CIMAP2: variants seen among roughly 807,000 people sequenced by gnomAD.
CIMAP2 encodes the protein ciliary microtubule-associated protein 2.
At chr1:54,807,448 G>T in the CIMAP2 span, 1 of 1,422,478 alleles carries the variant, frequency 7.0e-7, no homozygotes, top group Non-Finnish European at 9.3e-7. Flanking sequence ...GGGTCAGGGT[G>T]GTGGCTTGGT....
At chr1:54,817,053 G>A in the CIMAP2 span, 6 of 1,614,162 alleles carry the variant, frequency 3.7e-6, no homozygotes, top group Non-Finnish European at 3.4e-6. Context: ...AGGCGGCAGC[G>A]ATATCGATCC....
the CIMAP2 span, among the ~76,000 whole-genome samples, chr1:54,818,997 T>C: frequency 6.6e-6 from 1 of 152,116 alleles, no homozygotes; most frequent in African/African-American, 2.4e-5. Flanking sequence ...CTTTTGCTTG[T>C]TTGTTCATAC....
chr1:54,824,786 C>T, the CIMAP2 span, among the ~76,000 whole-genome samples: 3 of 151,698 alleles, frequency 2.0e-5, no homozygotes, highest in Admixed American at 6.6e-5. Flanking sequence ...AATTGTTTTC[C>T]TGACTTCTTT....
the CIMAP2 span, among the ~76,000 whole-genome samples, chr1:54,808,531 G>T: frequency 6.6e-6 from 1 of 151,668 alleles, no homozygotes; most frequent in African/African-American, 2.4e-5. Context: ...GAGGAGGCGA[G>T]CGAGAGGGCA....
chr1:54,808,216 T>C, the CIMAP2 span, among the ~76,000 whole-genome samples: 1 of 152,132 alleles, frequency 6.6e-6, no homozygotes, highest in African/African-American at 2.4e-5. Flanking sequence ...GATGTCCTAG[T>C]GGTAGAAATA....
the CIMAP2 span, among the ~76,000 whole-genome samples, chr1:54,838,682 A>T: frequency 1.3e-5 from 2 of 152,166 alleles, no homozygotes; most frequent in East Asian, 3.9e-4. Context: ...GTTATTGTTC[A>T]TGAGTCTATG....
chr1:54,816,492 A>T, the CIMAP2 span, among the ~76,000 whole-genome samples: 2 of 152,152 alleles, frequency 1.3e-5, no homozygotes, highest in African/African-American at 4.8e-5. Flanking sequence ...GCCACAAACT[A>T]GGTGGCTTAA....
At chr1:54,807,782 G>C in the CIMAP2 span, 1 of 1,510,214 alleles carries the variant, frequency 6.6e-7, no homozygotes, top group Non-Finnish European at 8.8e-7. Context: ...GTCCTCCCAA[G>C]GCCAGATGGA....
the CIMAP2 span, chr1:54,811,765 G>GCCGGGGGGGGGGGGGGGGGC: frequency 7.7e-7 from 1 of 1,301,330 alleles, no homozygotes; most frequent in Non-Finnish European, 1.1e-6. Context: ...GGTTCTGACA[G>GCCGGGGGGGGGGGGGGGGGC]CCTCCATGCC....
the CIMAP2 span, among the ~76,000 whole-genome samples, chr1:54,836,530 G>T: frequency 6.6e-6 from 1 of 151,886 alleles, no homozygotes; most frequent in South Asian, 2.1e-4. Context: ...ATGGGGGTAG[G>T]GGGTGGGGGA....
At chr1:54,811,765 G>GCCGGGGGGGGCGGGGCCCCGC in the CIMAP2 span, 1 of 1,301,332 alleles carries the variant, frequency 7.7e-7, no homozygotes, top group Non-Finnish European at 1.1e-6. Context: ...GGTTCTGACA[G>GCCGGGGGGGGCGGGGCCCCGC]CCTCCATGCC....
At chr1:54,806,123 G>T in the CIMAP2 span, 1 of 1,539,108 alleles carries the variant, frequency 6.5e-7, no homozygotes, top group Non-Finnish European at 8.7e-7. Flanking sequence ...TGCCATGAGG[G>T]AAAGCCAGGA....
the CIMAP2 span, among the ~76,000 whole-genome samples, chr1:54,825,733 C>T: frequency 1.3e-5 from 2 of 152,086 alleles, no homozygotes; most frequent in African/African-American, 4.8e-5. Flanking sequence ...CCAGTAGGTC[C>T]TTGGGCCCCT....
At chr1:54,812,446 C>T in the CIMAP2 span, among the ~76,000 whole-genome samples, 1 of 152,252 alleles carries the variant, frequency 6.6e-6, no homozygotes, top group Non-Finnish European at 1.5e-5. Context: ...ACTGCCAACT[C>T]TCTCCTCTGC....
At chr1:54,814,763 G>A in the CIMAP2 span, 10 of 1,111,872 alleles carry the variant, frequency 9.0e-6, no homozygotes, top group Middle Eastern at 3.1e-4. Context: ...CCCCTTTGCC[G>A]GGAGATAGCT....
chr1:54,834,499 G>T, the CIMAP2 span, among the ~76,000 whole-genome samples: 1 of 152,098 alleles, frequency 6.6e-6, no homozygotes, highest in Non-Finnish European at 1.5e-5. Context: ...TAGCAAAGTT[G>T]AAAGAATTTT....
At chr1:54,832,730 A>G in the CIMAP2 span, among the ~76,000 whole-genome samples, 658 of 152,280 alleles carry the variant, frequency 4.3e-3, 4 homozygotes, top group Non-Finnish European at 6.8e-3. Context: ...GCTGGAGTAA[A>G]GAATCAATAA....
At chr1:54,807,453 C>A in the CIMAP2 span, 1 of 1,434,714 alleles carries the variant, frequency 7.0e-7, no homozygotes, top group Non-Finnish European at 9.2e-7. Context: ...AGGGTGGTGG[C>A]TTGGTGAGGG....
At chr1:54,806,165 G>A in the CIMAP2 span, 2 of 1,551,314 alleles carry the variant, frequency 1.3e-6, no homozygotes, top group Admixed American at 1.9e-5. Flanking sequence ...GAACCGCGTC[G>A]GCTCCACGGC....
Sources: gnomAD v4.1 joint callset for allele counts (sites outside exome capture counted in the v4.1 genomes callset) on GRCh38, gnomAD v4.1.1 for gene constraint, MANE v1.5 for transcripts, NCBI Gene and HGNC (gene_info 2026-07-23, HGNC 2026-07-21) for gene names.